WDR19: variants seen among roughly 807,000 people sequenced by gnomAD.
WDR19 encodes WD repeat-containing protein 19.
Under a neutral mutation model 180.0 loss-of-function variants are expected in WDR19, and 121 were observed. The observed-to-expected ratio is 0.67, with a 90% CI of 0.58 to 0.78. The LOEUF is 0.78. Ranked by LOEUF, WDR19 falls within the 30% of genes least tolerant of loss-of-function variation. WDR19 has a pLI of 0.00. For synonymous variants in WDR19, 497 were observed against 540.7 expected, an observed-to-expected ratio of 0.92 and a Z score of 1.12; for missense variants, 1,450 against 1,640.7, an observed-to-expected ratio of 0.88 and a Z score of 2.01.
Position 39,244,315 on chromosome 4 carries a change from G to A in WDR19, c.2489G>A (p.Gly830Glu), listed in dbSNP as rs1399293853. The change falls in exon 22 of 37, where the codon GGG becomes GAG. Residue 830 changes from glycine (G) to glutamate (E), a missense_variant. Transcript: ENST00000399820. ...ATAAGAATGGGAGACATACGTCGAG[G>A]GGTTAACCAAGCCCTCAAGCATCCC... ...MSIRMGDIRRGVNQALKHPSR... is the reference protein window; with the variant it reads ...MSIRMGDIRREVNQALKHPSR... 1 of 1,613,938 alleles carries A rather than the reference G, an allele frequency of 6.2e-7. No homozygotes were observed.
intron 24 of WDR19, among the ~76,000 whole-genome samples, chr4:39,252,397 T>TC (rs1280613850): frequency 2.1e-4 from 31 of 146,680 alleles, no homozygotes; most frequent in African/African-American, 7.5e-4. Flanking sequence ...TTAGGTGATA[T>TC]ACCTAATGCT....
At position 39,228,689 on chromosome 4, in the gene WDR19, A is replaced by G; in HGVS notation, c.1981A>G (p.Arg661Gly). ...PMLAQNLMLK[R>G]FSDAWEMCRI... is the part of the protein sequence containing the mutation. ...GCTGGCACAGAATTTAATGCTAAAGAGGTAGGCTTTCACACACTTCTTTTG... is the reference window on the plus strand; with the variant it reads ...GCTGGCACAGAATTTAATGCTAAAGGGGTAGGCTTTCACACACTTCTTTTG... The change falls in exon 17 of 37, where the codon AGG becomes GGG. Residue 661 changes from arginine (R) to glycine (G), a missense_variant and splice_region_variant. Arg to Gly is a moderately radical substitution (Grantham distance 125). Transcript: ENST00000399820. The G allele has an allele frequency of 6.4e-7, 1 of 1,570,224 alleles. No homozygotes were observed. Among genetic ancestry groups the G allele is most frequent in the Non-Finnish European group, 8.6e-7 (1 of 1,157,916 alleles).
chr4:39,199,602 G>T lies in WDR19; in HGVS notation c.522+9G>T. On this transcript the variant is annotated intron_variant, in intron 6 of 36. Transcript: ENST00000399820. ...GTGACACGATAAGACAGGTAATACA[G>T]TAACGTCTCTTTGGTCTGATATATT... is the stretch of plus-strand genomic sequence containing the variant. 1.3e-6 allele frequency: 2 copies of T among 1,594,512 alleles called. No individual in the cohort carries two copies. The highest frequency in any genetic ancestry group is 4.5e-5 in the East Asian group (2 of 44,658).
intron 36 of WDR19, among the ~76,000 whole-genome samples, chr4:39,284,115 T>C (rs1280508254): frequency 6.6e-6 from 1 of 152,054 alleles, no homozygotes; most frequent in Non-Finnish European, 1.5e-5. Flanking sequence ...TATTTTTCCC[T>C]CAATTGGGAC....
Position 39,228,574 on chromosome 4 carries a change from A to G in WDR19, c.1866A>G (p.Thr622=), listed in dbSNP as rs1730530440. The G allele has an allele frequency of 1.2e-6, 2 of 1,613,866 alleles. No individual in the cohort carries two copies. Among genetic ancestry groups the G allele is most frequent in the Admixed American group, 1.7e-5 (1 of 60,014 alleles). ...LLYNGELTCQ[T]QSGKVNNIYL... ...ATAATGGAGAGCTGACCTGCCAAAC[A>G]CAGAGTGGAAAAGTAAACAACATCT... is the stretch of plus-strand genomic sequence containing the variant. Residue 622 remains threonine (T), a synonymous_variant, in exon 17 of 37, where the codon ACA becomes ACG. Coordinates refer to ENST00000399820, the MANE Select transcript of WDR19 (RefSeq NM_025132.4).
At position 39,275,289 on chromosome 4, in the gene WDR19, G is replaced by A. The variant is rs190642645; in HGVS notation, c.3716+331G>A. On this transcript the variant is annotated intron_variant, in intron 33 of 36. Coordinates refer to ENST00000399820, the MANE Select transcript of WDR19 (RefSeq NM_025132.4). ...CGGGAGGCAGAGGTTGCAGTGAGCCGAGATCGTGCCATTGCACTCCAGCCT... is the reference window on the plus strand; with the variant it reads ...CGGGAGGCAGAGGTTGCAGTGAGCCAAGATCGTGCCATTGCACTCCAGCCT... The A allele has an allele frequency of 5.0e-4, 165 of 328,326 alleles. 1 individual carries two copies. The highest frequency in any genetic ancestry group is 3.1e-3 in the African/African-American group (145 of 46,056). 20.3% of individuals were successfully genotyped at this position (328,326 alleles called of 1,614,324 possible). A position where few individuals can be genotyped will look rare whatever the true frequency, so the allele number is the denominator to read the frequency against.
At chr4:39,199,387 CTGTT>C in intron 5 of WDR19, 87 bp from the exon 6 acceptor site, 1 of 904,294 alleles carries the variant, frequency 1.1e-6, no homozygotes, top group South Asian at 1.6e-5. Context: ...AAATTCTTGT[CTGTT>C]TAATTTCTTG....
At chr4:39,192,649 A>G (rs902887353) in intron 4 of WDR19, among the ~76,000 whole-genome samples, 1 of 152,096 alleles carries the variant, frequency 6.6e-6, no homozygotes, top group Non-Finnish European at 1.5e-5. Context: ...TTTAGTAGAG[A>G]TGGGGTTCCA....
intron 4 of WDR19, 103 bp downstream of exon 4, chr4:39,189,884 A>T: frequency 7.9e-7 from 1 of 1,259,056 alleles, no homozygotes; most frequent in Non-Finnish European, 1.1e-6. Context: ...AGATTCCTCA[A>T]TGAGTTATTT....
chr4:39,231,907 A>G lies in WDR19; in HGVS notation c.2093A>G (p.Tyr698Cys). 6.2e-7 allele frequency: 1 copy of G among 1,613,788 alleles called. No individual in the cohort carries two copies. ...HMEVEFAIRV[Y>C]RRIGNVGIVM... ...GAAGTGGAGTTTGCAATCCGTGTTT[A>G]TCGGAGAATTGGAAATGTTGGCATA... The change falls in exon 18 of 37, where the codon TAT becomes TGT. Residue 698 changes from tyrosine (Y) to cysteine (C), a missense_variant. By Grantham distance (194) the Tyr-to-Cys change is radical. Coordinates refer to ENST00000399820, the MANE Select transcript of WDR19 (RefSeq NM_025132.4).
rs1381343000 is a variant in WDR19, at chr4:39,224,998, A to T, written c.1594A>T (p.Ile532Phe). The change falls in exon 15 of 37, where the codon ATT (isoleucine) becomes TTT (phenylalanine). Residue 532 changes from isoleucine to phenylalanine, a missense_variant. Physicochemically the swap from Ile to Phe is conservative, Grantham distance 21 (BLOSUM62 0). Transcript: ENST00000399820. Reference protein sequence around the residue: ...PDPNGTRLVFIDEKSDGFVYC... With the variant: ...PDPNGTRLVFFDEKSDGFVYC... Reference sequence around the variant, plus strand: ...CCCAAATGGGACCAGATTAGTTTTCATTGATGAAAAAAGTGATGGATTTGT... The same window carrying T: ...CCCAAATGGGACCAGATTAGTTTTCTTTGATGAAAAAAGTGATGGATTTGT... 1 of 1,568,288 alleles carries T rather than the reference A, an allele frequency of 6.4e-7. No homozygotes were observed. The highest frequency in any genetic ancestry group is 1.4e-5 in the African/African-American group (1 of 73,620).
intron 36 of WDR19, among the ~76,000 whole-genome samples, chr4:39,281,962 G>C (rs929028095): frequency 1.3e-5 from 2 of 152,096 alleles, no homozygotes; most frequent in African/African-American, 4.8e-5. Flanking sequence ...ACATGAAACT[G>C]CTTCAAGTCC....
At chr4:39,249,717 C>T (rs1333789544) in intron 24 of WDR19, among the ~76,000 whole-genome samples, 4 of 152,172 alleles carry the variant, frequency 2.6e-5, no homozygotes, top group Non-Finnish European at 5.9e-5. Flanking sequence ...CTATAAACAC[C>T]TTTACACAAA....
At chr4:39,198,257 A>G (rs1560483078) in intron 5 of WDR19, among the ~76,000 whole-genome samples, 1 of 152,160 alleles carries the variant, frequency 6.6e-6, no homozygotes, top group East Asian at 1.9e-4. Context: ...TCTGGAATTT[A>G]CTTCTCTTAA....
chr4:39,272,955 G>A, intron 31 of WDR19, 25 bp from the exon 32 acceptor site: 1 of 1,555,104 alleles, frequency 6.4e-7, no homozygotes, highest in Non-Finnish European at 8.7e-7. Context: ...ACTATAAGAA[G>A]AGTAAAATAT....
At chr4:39,198,327 G>GACAGGTGCATCGCTT in intron 5 of WDR19, among the ~76,000 whole-genome samples, 1 of 152,056 alleles carries the variant, frequency 6.6e-6, no homozygotes, top group Admixed American at 6.5e-5. Flanking sequence ...GGGAGGCCGA[G>GACAGGTGCATCGCTT]GCGGGCGGAT....
At chr4:39,196,382 C>G (rs1406550673) in intron 5 of WDR19, among the ~76,000 whole-genome samples, 2 of 152,182 alleles carry the variant, frequency 1.3e-5, no homozygotes, top group Non-Finnish European at 2.9e-5. Flanking sequence ...TCTCCAAAAC[C>G]TTCTTGACTC....
chr4:39,230,603 T>C (rs1730739712), intron 17 of WDR19, among the ~76,000 whole-genome samples: 1 of 152,184 alleles, frequency 6.6e-6, no homozygotes. Context: ...AAGAGTTACC[T>C]ATTGTAAGTA....
At chr4:39,239,342 C>T (rs960444527) in intron 20 of WDR19, among the ~76,000 whole-genome samples, 8 of 151,896 alleles carry the variant, frequency 5.3e-5, no homozygotes, top group African/African-American at 1.9e-4. Context: ...GCCCTCAGTA[C>T]TGTAATCACC....
Sources: allele counts gnomAD v4.1 joint callset (sites outside exome capture counted in the v4.1 genomes callset), GRCh38; gene constraint gnomAD v4.1.1; transcripts MANE v1.5; gene names NCBI Gene and HGNC (gene_info 2026-07-23, HGNC 2026-07-21).